RAB22A: variants seen among roughly 807,000 people sequenced by gnomAD.
RAB22A encodes the protein ras-related protein Rab-22A.
RAB22A carries 13 observed loss-of-function variants against 30.2 expected under a neutral mutation model. That is an observed-to-expected ratio of 0.43 (90% CI 0.28 to 0.68). RAB22A has a LOEUF of 0.68. Among genes scored for constraint, RAB22A ranks in the 30% least tolerant of loss-of-function variants. The probability of loss-of-function intolerance (pLI) is 0.18; values close to 1 mark genes in which losing one functional copy is unlikely to be tolerated. For synonymous variants in RAB22A, 89 were observed against 87.2 expected, an observed-to-expected ratio of 1.02 and a Z score of -0.11; for missense variants, 177 against 246.8, an observed-to-expected ratio of 0.72 and a Z score of 1.89.
intron 2 of RAB22A, among the ~76,000 whole-genome samples, chr20:58,311,531 T>C (rs1372912484): frequency 6.6e-6 from 1 of 152,232 alleles, no homozygotes; most frequent in Admixed American, 6.5e-5. Context: ...TCTGAACCCT[T>C]ACACATTCCT....
intron 2 of RAB22A, among the ~76,000 whole-genome samples, chr20:58,326,649 G>A (rs1246371036): frequency 6.6e-6 from 1 of 152,018 alleles, no homozygotes; most frequent in Non-Finnish European, 1.5e-5. Context: ...TTTTTTTGTG[G>A]ACATAGGTTT....
At chr20:58,320,744 G>C (rs1986438066) in intron 2 of RAB22A, among the ~76,000 whole-genome samples, 1 of 152,152 alleles carries the variant, frequency 6.6e-6, no homozygotes, top group African/African-American at 2.4e-5. Flanking sequence ...AATTTTTCAA[G>C]TATCGATTTC....
intron 2 of RAB22A, among the ~76,000 whole-genome samples, chr20:58,335,586 A>G (rs963244593): frequency 6.6e-6 from 1 of 152,228 alleles, no homozygotes; most frequent in African/African-American, 2.4e-5. Flanking sequence ...CATGTGCTTT[A>G]TCTAAACCTA....
intron 2 of RAB22A, among the ~76,000 whole-genome samples, chr20:58,337,119 T>C (rs1986770125): frequency 6.6e-6 from 1 of 152,212 alleles, no homozygotes; most frequent in Non-Finnish European, 1.5e-5. Flanking sequence ...CTGAGCAGCT[T>C]TAAAAAACAC....
At chr20:58,342,081 CACAT>C (rs770126196) in intron 2 of RAB22A, among the ~76,000 whole-genome samples, 3 of 152,190 alleles carry the variant, frequency 2.0e-5, no homozygotes, top group Non-Finnish European at 4.4e-5. Context: ...AGAGCACTTC[CACAT>C]ACATCATCTC....
chr20:58,338,400 G>A lies in RAB22A; in HGVS notation c.117-5318G>A, dbSNP rs114754770. ...TAGGCTGTATGATGAACATGTAGAAGGTGATAAAGGATTTGCTTAGGATGA... is the reference window on the plus strand; with the variant it reads ...TAGGCTGTATGATGAACATGTAGAAAGTGATAAAGGATTTGCTTAGGATGA... On this transcript the variant is annotated intron_variant, in intron 2 of 6. Coordinates refer to ENST00000244040, the MANE Select transcript of RAB22A (RefSeq NM_020673.3). Among the ~76,000 whole-genome samples, 429 of 152,298 alleles carry A rather than the reference G, an allele frequency of 2.8e-3. 2 individuals carry two copies. Among genetic ancestry groups the A allele is most frequent in the African/African-American group, 9.5e-3 (394 of 41,570 alleles).
At position 58,353,349 on chromosome 20, in the gene RAB22A, G is replaced by A; in HGVS notation, c.270+5G>A. 1 of 1,612,998 alleles carries A rather than the reference G, an allele frequency of 6.2e-7. No homozygotes were observed. Among genetic ancestry groups the A allele is most frequent in the Non-Finnish European group, 8.5e-7 (1 of 1,179,176 alleles). ...GTTTATGATATCACAAAAGAAGTAA[G>A]ACTATATAGTTTTCTTTAGATTGTT... On this transcript the variant is annotated splice_donor_5th_base_variant and intron_variant, in intron 4 of 6. Coordinates refer to ENST00000244040, the MANE Select transcript of RAB22A (RefSeq NM_020673.3).
chr20:58,337,255 T>C (rs1196217052), intron 2 of RAB22A, among the ~76,000 whole-genome samples: 2 of 152,178 alleles, frequency 1.3e-5, no homozygotes, highest in Non-Finnish European at 2.9e-5. Context: ...CATACCTTTT[T>C]CAGCTTTTAG....
At chr20:58,329,750 A>C (rs1986631818) in intron 2 of RAB22A, among the ~76,000 whole-genome samples, 1 of 152,148 alleles carries the variant, frequency 6.6e-6, no homozygotes, top group African/African-American at 2.4e-5. Flanking sequence ...ATATTATACC[A>C]CAGGCCATGG....
At chr20:58,325,069 C>G (rs569707892) in intron 2 of RAB22A, among the ~76,000 whole-genome samples, 111 of 144,940 alleles carry the variant, frequency 7.7e-4, no homozygotes, top group Non-Finnish European at 1.4e-3. Context: ...CCCAGCTACT[C>G]AGGAGGCTGA....
At chr20:58,325,545 A>G (rs1167181056) in intron 2 of RAB22A, among the ~76,000 whole-genome samples, 1 of 151,770 alleles carries the variant, frequency 6.6e-6, no homozygotes, top group Non-Finnish European at 1.5e-5. Context: ...AGATCATTTC[A>G]TCATCATTCA....
At chr20:58,326,956 A>G (rs557558718) in intron 2 of RAB22A, among the ~76,000 whole-genome samples, 15 of 152,216 alleles carry the variant, frequency 9.9e-5, no homozygotes, top group African/African-American at 2.6e-4. Context: ...TAGGTTGCCA[A>G]TTTTTAGGAT....
At chr20:58,333,048 G>A (rs916388712) in intron 2 of RAB22A, among the ~76,000 whole-genome samples, 4 of 152,016 alleles carry the variant, frequency 2.6e-5, no homozygotes, top group African/African-American at 9.7e-5. Flanking sequence ...GGAGGCCAAG[G>A]CAAGTGGATC....
intron 3 of RAB22A, 27 bp downstream of exon 3, chr20:58,343,826 T>C: frequency 6.5e-7 from 1 of 1,538,388 alleles, no homozygotes; most frequent in Non-Finnish European, 9.0e-7. Flanking sequence ...TTTACTCTGT[T>C]TTTCTGAGGC....
intron 3 of RAB22A, among the ~76,000 whole-genome samples, chr20:58,345,118 C>T (rs967190126): frequency 6.6e-6 from 1 of 152,090 alleles, no homozygotes; most frequent in South Asian, 2.1e-4. Context: ...TGTGGCCCTT[C>T]CTATTAGTAA....
chr20:58,351,458 A>G (rs1987048077), intron 3 of RAB22A, among the ~76,000 whole-genome samples: 1 of 152,242 alleles, frequency 6.6e-6, no homozygotes, highest in African/African-American at 2.4e-5. Flanking sequence ...ATTGAACACT[A>G]AGAAAAATTC....
intron 3 of RAB22A, among the ~76,000 whole-genome samples, chr20:58,344,359 G>A (rs1285252752): frequency 6.6e-6 from 1 of 152,226 alleles, no homozygotes; most frequent in Non-Finnish European, 1.5e-5. Context: ...GCAGCATGGG[G>A]TCTAATGGAA....
chr20:58,315,084 G>A lies in RAB22A; in HGVS notation c.116+3962G>A, dbSNP rs184863519. 2.0e-3 allele frequency among the ~76,000 whole-genome samples: 307 copies of A among 152,170 alleles called. 1 individual carries two copies. The highest frequency in any genetic ancestry group is 3.5e-3 in the Non-Finnish European group (235 of 68,018). ...AGCAGGGACCAGTCCACAGGGCCCT[G>A]GAGTCCGGAGGAGGAGCCGACATCA... On this transcript the variant is annotated intron_variant, in intron 2 of 6. Coordinates refer to ENST00000244040, the MANE Select transcript of RAB22A (RefSeq NM_020673.3).
At chr20:58,354,884 A>AGCC (rs1987107453) in intron 6 of RAB22A, among the ~76,000 whole-genome samples, 1 of 152,242 alleles carries the variant, frequency 6.6e-6, no homozygotes, top group Non-Finnish European at 1.5e-5. Flanking sequence ...CCTGGAGCGC[A>AGCC]CATTCTACAG....
Sources: gnomAD v4.1 joint callset for allele counts (sites outside exome capture counted in the v4.1 genomes callset) on GRCh38, gnomAD v4.1.1 for gene constraint, MANE v1.5 for transcripts, NCBI Gene and HGNC (gene_info 2026-07-23, HGNC 2026-07-21) for gene names.